CAPN7: variants seen among roughly 807,000 people sequenced by gnomAD.
The protein encoded by CAPN7 is calpain 7, also known as calpain-7.
CAPN7 carries 72 observed loss-of-function variants against 115.2 expected under a neutral mutation model. That is an observed-to-expected ratio of 0.63 (90% confidence interval 0.52 to 0.76). The LOEUF is 0.76. CAPN7 is among the 30% of genes least tolerant of loss of function. The pLI, the probability that CAPN7 is intolerant of heterozygous loss-of-function variation, is 0.00. For synonymous variants in CAPN7, 344 were observed against 322.3 expected, an observed-to-expected ratio of 1.07 and a Z score of -0.72; for missense variants, 905 against 971.5, an observed-to-expected ratio of 0.93 and a Z score of 0.91.
At chr3:15,230,799 C>T (rs1252705287) in intron 9 of CAPN7, among the ~76,000 whole-genome samples, 1 of 152,076 alleles carries the variant, frequency 6.6e-6, no homozygotes, top group Non-Finnish European at 1.5e-5. Flanking sequence ...ATTGCTAATG[C>T]TTAAAATAAA....
At position 15,217,524 on chromosome 3, in the gene CAPN7, A is replaced by G. The variant is rs778194198; in HGVS notation, c.311A>G (p.Glu104Gly). 1.2e-6 allele frequency: 2 copies of G among 1,613,914 alleles called. No individual in the cohort carries two copies. Among genetic ancestry groups the G allele is most frequent in the Non-Finnish European group, 1.7e-6 (2 of 1,179,886 alleles). ...CAAGCTTTTGATGAAGATGAAAAAG[A>G]GAATGTTGAAGATGCTATAGAATTG... ...VTQAFDEDEK[E>G]NVEDAIELYT... Residue 104 changes from glutamate to glycine, a missense_variant, in exon 3 of 21, where the codon GAG (glutamate) becomes GGG (glycine). By Grantham distance (98) the Glu-to-Gly change is moderately conservative. Around this residue, in one of 3 missense-constraint regions of CAPN7, gnomAD observed 271 missense variants for 239.6 expected, o/e 1.13. Coordinates refer to ENST00000253693, the MANE Select transcript of CAPN7 (RefSeq NM_014296.3).
rs1694606575 is a variant in CAPN7 at position 15,230,308 on chromosome 3, T to C, written c.939-134T>C. The C allele has an allele frequency of 1.2e-5, 6 of 511,614 alleles. No homozygotes were observed. In the South Asian group the frequency reaches 2.1e-4, roughly 18 times the overall value. 31.7% of individuals were successfully genotyped at this position (511,614 alleles called of 1,614,324 possible). The stretch of plus-strand genomic sequence containing the variant: ...GGTGTAGTTCATTTTCTAGGCCTAT[T>C]GTAGGAAAATATTCTCCTGTTTGTT... On this transcript the variant is annotated intron_variant, in intron 8 of 20. Coordinates refer to ENST00000253693, the MANE Select transcript of CAPN7 (RefSeq NM_014296.3).
intron 13 of CAPN7, 33 bp from the exon 14 acceptor site, chr3:15,240,720 AT>A: frequency 1.3e-6 from 2 of 1,571,470 alleles, no homozygotes; most frequent in Non-Finnish European, 8.7e-7. Flanking sequence ...TAGCATTAAG[AT>A]TTTTTTAGAT....
intron 1 of CAPN7, among the ~76,000 whole-genome samples, chr3:15,209,294 G>A (rs1424416988): frequency 6.6e-6 from 1 of 152,198 alleles, no homozygotes; most frequent in East Asian, 1.9e-4. Context: ...ATAGGCATGA[G>A]CCACCGCCCC....
chr3:15,212,880 G>A (rs2045035211), intron 2 of CAPN7, among the ~76,000 whole-genome samples: 1 of 152,104 alleles, frequency 6.6e-6, no homozygotes, highest in Admixed American at 6.5e-5. Flanking sequence ...GCGCCAAGCA[G>A]AAGAATATTT....
intron 5 of CAPN7, among the ~76,000 whole-genome samples, chr3:15,221,346 ATTTTTTTTT>A (rs772108590): frequency 9.6e-6 from 1 of 104,336 alleles, no homozygotes; most frequent in African/African-American, 3.7e-5. Context: ...CATCTGACTA[ATTTTTTTTT>A]TTTTTTTTTT....
Position 15,206,609 on chromosome 3 carries a change from C to T in CAPN7, c.102+12C>T. On this transcript the variant is annotated intron_variant, in intron 1 of 20. Coordinates refer to ENST00000253693, the MANE Select transcript of CAPN7 (RefSeq NM_014296.3). The stretch of plus-strand genomic sequence containing the variant: ...TGTTTTATTACAAGGTAGGGCCGGG[C>T]CCGGCGCTTCGGTCGGAGTTGCTCA... 1 of 1,535,978 alleles carries T rather than the reference C, an allele frequency of 6.5e-7. No individual in the cohort carries two copies. Among genetic ancestry groups the T allele is most frequent in the Non-Finnish European group, 8.8e-7 (1 of 1,138,326 alleles).
intron 12 of CAPN7, among the ~76,000 whole-genome samples, chr3:15,237,371 A>G (rs1406544203): frequency 6.6e-6 from 1 of 152,192 alleles, no homozygotes; most frequent in African/African-American, 2.4e-5. Flanking sequence ...TTATAATCTT[A>G]TGGAACCACT....
At chr3:15,246,610 T>G in intron 17 of CAPN7, 122 bp from the exon 18 acceptor site, 1 of 697,368 alleles carries the variant, frequency 1.4e-6, no homozygotes, top group Middle Eastern at 3.8e-4. Flanking sequence ...GACCTGATAC[T>G]AGGCTGCCTA....
At chr3:15,225,576 C>T (rs986121270) in intron 6 of CAPN7, among the ~76,000 whole-genome samples, 14 of 152,202 alleles carry the variant, frequency 9.2e-5, no homozygotes, top group East Asian at 3.9e-4. Flanking sequence ...AAGTAAAATA[C>T]GTAGCCATGC....
At position 15,223,551 on chromosome 3, in the gene CAPN7, A is replaced by T. The variant is rs764072733; in HGVS notation, c.715A>T (p.Met239Leu). The T allele has an allele frequency of 5.6e-6, 9 of 1,595,440 alleles. No homozygotes were observed. Among genetic ancestry groups the T allele is most frequent in the Non-Finnish European group, 6.8e-6 (8 of 1,168,062 alleles). The change falls in exon 6 of 21, where the codon ATG (methionine) becomes TTG (leucine). Residue 239 changes from methionine (M) to leucine (L), a missense_variant. This residue lies in a region of CAPN7 where 620 missense variants were observed against 703.4 expected (regional missense o/e 0.88). Coordinates refer to ENST00000253693, the MANE Select transcript of CAPN7 (RefSeq NM_014296.3). ...CCTGAGAGAACGTTTTGCCTATCCA[A>T]TGCCTTTCTGGTAAGTAAGCACTGT... ...VDLRERFAYP[M>L]PFCDRWGKLP...
intron 2 of CAPN7, among the ~76,000 whole-genome samples, chr3:15,215,925 A>G (rs2045224737): frequency 6.6e-6 from 1 of 152,196 alleles, no homozygotes; most frequent in Non-Finnish European, 1.5e-5. Flanking sequence ...GTCTCTACTA[A>G]AAATACAAAA....
chr3:15,220,684 G>A lies in CAPN7; in HGVS notation c.438-97G>A, dbSNP rs533476228. 7.4e-4 allele frequency: 711 copies of A among 962,262 alleles called. 1 individual carries two copies. The highest frequency in any genetic ancestry group is 1.0e-3 in the Admixed American group (45 of 45,196). The allele number at this position is 962,262 out of a possible 1,614,324, so 59.6% of individuals were successfully genotyped here. ...AATTTTATATACTAATTTTACATTA[G>A]GGATGCTTGACTGGTTCTTCAAGTA... On this transcript the variant is annotated intron_variant, in intron 4 of 20. Coordinates refer to ENST00000253693, the MANE Select transcript of CAPN7 (RefSeq NM_014296.3).
chr3:15,219,946 A>G (rs1235645720), intron 4 of CAPN7, among the ~76,000 whole-genome samples: 1 of 152,138 alleles, frequency 6.6e-6, no homozygotes, highest in Non-Finnish European at 1.5e-5. Context: ...CACGCCTGTA[A>G]TCCCAACACT....
chr3:15,226,957 G>GTT, intron 6 of CAPN7, among the ~76,000 whole-genome samples: 1 of 152,126 alleles, frequency 6.6e-6, no homozygotes, highest in Non-Finnish European at 1.5e-5. Context: ...GCTCTAGAAA[G>GTT]GGTTTGGGGA....
Position 15,251,927 on chromosome 3 carries a change from TAAAG to T in CAPN7, c.*671_*674del, listed in dbSNP as rs1456607362. Reference sequence around the variant, plus strand: ...CCCATTCAATCATGTAGCAAGAACTTAAAGAAATTCACTACTGCAGTTTTTATTT... The same window carrying T: ...CCCATTCAATCATGTAGCAAGAACTTAAATTCACTACTGCAGTTTTTATTT... On this transcript the variant is annotated 3_prime_UTR_variant, in exon 21 of 21. Transcript: ENST00000253693. 2 of 152,284 alleles carry T rather than the reference TAAAG, an allele frequency of 1.3e-5. No individual in the cohort carries two copies. Among genetic ancestry groups the T allele is most frequent in the South Asian group, 4.1e-4 (2 of 4,826 alleles). 9.4% of individuals were successfully genotyped at this position (152,284 alleles called of 1,614,324 possible). A position where few individuals can be genotyped will look rare whatever the true frequency, so the allele number is the denominator to read the frequency against.
intron 10 of CAPN7, among the ~76,000 whole-genome samples, chr3:15,233,479 C>T (rs1002545046): frequency 2.0e-5 from 3 of 152,160 alleles, no homozygotes; most frequent in Middle Eastern, 3.2e-3. Context: ...CTAATTGTTG[C>T]TTGTTAATTT....
At chr3:15,214,708 C>A (rs769569555) in intron 2 of CAPN7, among the ~76,000 whole-genome samples, 2 of 152,072 alleles carry the variant, frequency 1.3e-5, no homozygotes, top group African/African-American at 2.4e-5. Context: ...CAGAGTAAGA[C>A]CCTGTCTCGA....
chr3:15,248,964 C>T (rs549331934), intron 19 of CAPN7, among the ~76,000 whole-genome samples: 1 of 144,836 alleles, frequency 6.9e-6, no homozygotes, highest in African/African-American at 2.7e-5. Flanking sequence ...CCACTGCACT[C>T]CAGCCTGGTT....
Sources: allele counts gnomAD v4.1 joint callset (sites outside exome capture counted in the v4.1 genomes callset), GRCh38; gene constraint gnomAD v4.1.1; regional missense constraint gnomAD v4.1.1; transcripts MANE v1.5; gene names NCBI Gene and HGNC (gene_info 2026-07-23, HGNC 2026-07-21).